SMIM31: variants seen among roughly 807,000 people sequenced by gnomAD.
SMIM31 encodes the protein human epithelial cell program regulator.
chr4:164,792,532 T>G (rs773660984), intron 2 of SMIM31, among the ~76,000 whole-genome samples: 17 of 152,190 alleles, frequency 1.1e-4, no homozygotes, highest in Non-Finnish European at 2.5e-4. Flanking sequence ...AAGAGAAATT[T>G]GCCAAAATTT....
chr4:164,767,751 A>G (rs1043357392), intron 1 of SMIM31, among the ~76,000 whole-genome samples: 1 of 152,230 alleles, frequency 6.6e-6, no homozygotes, highest in Non-Finnish European at 1.5e-5. Context: ...CTCCTGGTCA[A>G]GGGCTCTGTG....
chr4:164,797,380 G>A (rs534873938), intron 2 of SMIM31, among the ~76,000 whole-genome samples: 161 of 151,432 alleles, frequency 1.1e-3, no homozygotes, highest in Non-Finnish European at 2.0e-3. Flanking sequence ...CAGACCAATA[G>A]AATATAGATA....
At chr4:164,772,098 G>C (rs1275382322) in intron 2 of SMIM31, among the ~76,000 whole-genome samples, 1 of 152,112 alleles carries the variant, frequency 6.6e-6, no homozygotes, top group African/African-American at 2.4e-5. Flanking sequence ...ATTTTAATTT[G>C]TTTATAGTTC....
At chr4:164,781,795 C>T (rs548171016) in intron 2 of SMIM31, among the ~76,000 whole-genome samples, 1 of 152,244 alleles carries the variant, frequency 6.6e-6, no homozygotes, top group Admixed American at 6.5e-5. Context: ...ATGCTTCCAC[C>T]TATGTAACAT....
chr4:164,770,925 T>C (rs1339421684), intron 2 of SMIM31, among the ~76,000 whole-genome samples: 1 of 152,136 alleles, frequency 6.6e-6, no homozygotes, highest in Non-Finnish European at 1.5e-5. Flanking sequence ...ATAGTTACCA[T>C]AGTTCAGGGC....
At chr4:164,759,131 G>T (rs191524245) in intron 1 of SMIM31, among the ~76,000 whole-genome samples, 1 of 151,778 alleles carries the variant, frequency 6.6e-6, no homozygotes, top group East Asian at 1.9e-4. Flanking sequence ...GGATTTTTGT[G>T]TTTATGTACA....
At chr4:164,791,065 T>C (rs1046250937) in intron 2 of SMIM31, among the ~76,000 whole-genome samples, 25 of 152,248 alleles carry the variant, frequency 1.6e-4, no homozygotes, top group African/African-American at 5.3e-4. Context: ...TAAGGAAAAA[T>C]ATCCAAGAAT....
intron 1 of SMIM31, among the ~76,000 whole-genome samples, chr4:164,758,874 TA>T (rs1280267619): frequency 8.7e-5 from 12 of 138,526 alleles, no homozygotes; most frequent in African/African-American, 2.7e-4. Context: ...TTCACCGTGT[TA>T]GCCAGGATGG....
At chr4:164,758,820 T>A (rs1435440737) in intron 1 of SMIM31, among the ~76,000 whole-genome samples, 5 of 106,786 alleles carry the variant, frequency 4.7e-5, no homozygotes, top group African/African-American at 2.2e-4. Context: ...TTTTTTTTTT[T>A]TTTTTTTTTT....
chr4:164,787,815 C>T (rs1482601185), intron 2 of SMIM31, among the ~76,000 whole-genome samples: 4 of 152,154 alleles, frequency 2.6e-5, no homozygotes, highest in Non-Finnish European at 4.4e-5. Flanking sequence ...TAGTGCTTTA[C>T]GTCAGCCATT....
intron 1 of SMIM31, among the ~76,000 whole-genome samples, chr4:164,756,089 T>G (rs75913129): frequency 0.011 from 1,627 of 152,270 alleles, 28 homozygotes; most frequent in African/African-American, 0.036. Flanking sequence ...AAGTCAATAT[T>G]TGTTTAACTA....
chr4:164,793,082 C>G (rs1733125418), intron 2 of SMIM31, among the ~76,000 whole-genome samples: 1 of 151,514 alleles, frequency 6.6e-6, no homozygotes, highest in Non-Finnish European at 1.5e-5. Flanking sequence ...TACTGGAGGT[C>G]ATTACATTAA....
At chr4:164,793,696 AG>A (rs987453011) in intron 2 of SMIM31, among the ~76,000 whole-genome samples, 44 of 152,166 alleles carry the variant, frequency 2.9e-4, no homozygotes, top group African/African-American at 1.0e-3. Context: ...ATTAGACCTG[AG>A]CCCCATCCTT....
chr4:164,785,819 A>G (rs1190819221), intron 2 of SMIM31, among the ~76,000 whole-genome samples: 3 of 152,100 alleles, frequency 2.0e-5, no homozygotes, highest in Admixed American at 2.0e-4. Context: ...AGAATTTTTA[A>G]GAATCAGTTT....
chr4:164,780,307 G>C (rs191292033), intron 2 of SMIM31, among the ~76,000 whole-genome samples: 2 of 152,108 alleles, frequency 1.3e-5, no homozygotes, highest in African/African-American at 4.8e-5. Context: ...CATGCCTGTA[G>C]TCCCAGCTAC....
chr4:164,794,807 A>AAAT (rs1304679127), intron 2 of SMIM31, among the ~76,000 whole-genome samples: 8 of 151,792 alleles, frequency 5.3e-5, no homozygotes, highest in South Asian at 2.1e-4. Flanking sequence ...CCGTCTCAAA[A>AAAT]AATAATAATA....
chr4:164,778,760 T>C (rs770432641), intron 2 of SMIM31, among the ~76,000 whole-genome samples: 1 of 152,118 alleles, frequency 6.6e-6, no homozygotes, highest in Non-Finnish European at 1.5e-5. Flanking sequence ...TCCATCCACA[T>C]GCCTAAGACA....
At chr4:164,775,064 A>G (rs1732862028) in intron 2 of SMIM31, among the ~76,000 whole-genome samples, 1 of 152,324 alleles carries the variant, frequency 6.6e-6, no homozygotes, top group Non-Finnish European at 1.5e-5. Context: ...AACTGACAAC[A>G]TCGAACTTTA....
chr4:164,794,220 T>A (rs939904082), intron 2 of SMIM31, among the ~76,000 whole-genome samples: 3 of 151,696 alleles, frequency 2.0e-5, no homozygotes, highest in African/African-American at 4.8e-5. Flanking sequence ...CTACAAAAAA[T>A]TTTAAAAATT....
Sources: gnomAD v4.1 joint callset for allele counts (sites outside exome capture counted in the v4.1 genomes callset) on GRCh38, gnomAD v4.1.1 for gene constraint, MANE v1.5 for transcripts, NCBI Gene and HGNC (gene_info 2026-07-23, HGNC 2026-07-21) for gene names.